CLEC4C: variants seen among roughly 807,000 people sequenced by gnomAD.
CLEC4C encodes the protein C-type (calcium dependent, carbohydrate-recognition domain) lectin, superfamily member 11.
CLEC4C carries 17 observed loss-of-function variants against 27.7 expected under a neutral mutation model. The ratio of observed to expected loss-of-function variants is 0.61; its 90% CI spans 0.42 to 0.92. The LOEUF (loss-of-function observed/expected upper bound fraction) is 0.92, where lower values mean the gene tolerates loss of function less well. CLEC4C is among the 40% of genes least tolerant of loss of function. The probability of loss-of-function intolerance (pLI) is 0.00; values close to 1 mark genes in which losing one functional copy is unlikely to be tolerated. For synonymous variants in CLEC4C, 80 were observed against 80.8 expected, an observed-to-expected ratio of 0.99 and a Z score of 0.06; for missense variants, 244 against 257.3, an observed-to-expected ratio of 0.95 and a Z score of 0.35.
intron 2 of CLEC4C, 46 bp from the exon 3 acceptor site, chr12:7,741,577 C>G (rs777629656): frequency 3.0e-6 from 3 of 1,008,716 alleles, no homozygotes; most frequent in Non-Finnish European, 3.2e-6. Context: ...TTAAGTGGAT[C>G]TATGTTGTAC....
At chr12:7,737,672 C>T in intron 3 of CLEC4C, 98 bp from the exon 4 acceptor site, 1 of 1,162,938 alleles carries the variant, frequency 8.6e-7, no homozygotes, top group South Asian at 1.6e-5. Context: ...TAGTTTTCAC[C>T]TATGGATCTC....
chr12:7,742,240 T>C (rs1465889739), intron 2 of CLEC4C, among the ~76,000 whole-genome samples: 1 of 151,506 alleles, frequency 6.6e-6, no homozygotes, highest in African/African-American at 2.4e-5. Context: ...CGGCTGGGCA[T>C]GGTGGCTCAC....
chr12:7,733,975 C>G (rs988780885), intron 4 of CLEC4C, among the ~76,000 whole-genome samples: 6 of 150,904 alleles, frequency 4.0e-5, no homozygotes, highest in African/African-American at 9.7e-5. Context: ...TCACTGCAAC[C>G]TCTACCTCCC....
rs1460284573 is a variant in CLEC4C, at chr12:7,729,521, T to A, written c.*75A>T. The A allele has an allele frequency of 1.4e-6, 2 of 1,429,198 alleles. No homozygotes were observed. The highest frequency in any genetic ancestry group is 1.9e-6 in the Non-Finnish European group (2 of 1,038,422). 88.5% of individuals were successfully genotyped at this position (1,429,198 alleles called of 1,614,324 possible). On this transcript the variant is annotated 3_prime_UTR_variant, in exon 6 of 6. Coordinates refer to ENST00000360345, the MANE Select transcript of CLEC4C (RefSeq NM_001371390.1). ...GCATTCCTTGTACAAAACTTACACA[T>A]AAATTAAAAAATCAATTTAGCTTTC...
chr12:7,739,771 C>T (rs930133932), intron 3 of CLEC4C, among the ~76,000 whole-genome samples: 5 of 152,136 alleles, frequency 3.3e-5, no homozygotes, highest in East Asian at 1.9e-4. Flanking sequence ...CCTCAACCTC[C>T]GGAGCTCAAC....
intron 4 of CLEC4C, among the ~76,000 whole-genome samples, chr12:7,731,838 C>T (rs146141862): frequency 6.6e-6 from 1 of 152,250 alleles, no homozygotes; most frequent in East Asian, 1.9e-4. Context: ...TCTGTAATCT[C>T]AACTACTCGA....
chr12:7,746,240 A>AT (rs1253317783), intron 2 of CLEC4C, 91 bp downstream of exon 2: 10 of 780,200 alleles, frequency 1.3e-5, no homozygotes, highest in African/African-American at 1.8e-5. Context: ...AAAAGAAAAA[A>AT]AAAGAAAGAG....
chr12:7,741,480 C>T lies in CLEC4C; in HGVS notation c.176G>A (p.Arg59Gln), dbSNP rs149796875. Reference protein sequence around the residue: ...SKTVKRLSKLREYQQYHPSLT... With the variant: ...SKTVKRLSKLQEYQQYHPSLT... ...GCTTGGATGATACTGTTGATACTCT[C>T]GTAACTTGGACAGCCTCTTGACAGT... Residue 59 changes from arginine (R) to glutamine (Q), a missense_variant, in exon 3 of 6, where the codon CGA (arginine) becomes CAA (glutamine). Transcript: ENST00000360345. 5.0e-6 allele frequency: 8 copies of T among 1,612,816 alleles called. No individual in the cohort carries two copies. In the African/African-American group the frequency reaches 5.3e-5, roughly 11 times the overall value.
intron 5 of CLEC4C, 78 bp from the exon 6 acceptor site, chr12:7,729,818 TA>T: frequency 7.4e-7 from 1 of 1,351,328 alleles, no homozygotes. Context: ...GGGCTAGGGT[TA>T]AACAGTGCGA....
At chr12:7,741,840 G>A (rs1864863325) in intron 2 of CLEC4C, among the ~76,000 whole-genome samples, 1 of 152,036 alleles carries the variant, frequency 6.6e-6, no homozygotes, top group African/African-American at 2.4e-5. Flanking sequence ...GACCAACATG[G>A]TGAAACCCCG....
intron 3 of CLEC4C, among the ~76,000 whole-genome samples, chr12:7,740,427 C>T (rs975574525): frequency 1.2e-4 from 18 of 152,044 alleles, no homozygotes; most frequent in African/African-American, 3.4e-4. Context: ...TGGCCAGGCA[C>T]GGTGGCTCAC....
At chr12:7,741,275 T>C in intron 3 of CLEC4C, 146 bp downstream of exon 3, 1 of 590,120 alleles carries the variant, frequency 1.7e-6, no homozygotes. Context: ...CTGAGGTGTC[T>C]ATTTAAGATA....
At chr12:7,738,999 C>G (rs1864792367) in intron 3 of CLEC4C, among the ~76,000 whole-genome samples, 1 of 148,622 alleles carries the variant, frequency 6.7e-6, no homozygotes, top group Non-Finnish European at 1.5e-5. Context: ...TGTGATGTTC[C>G]CCACCCTGTG....
intron 4 of CLEC4C, among the ~76,000 whole-genome samples, chr12:7,735,515 A>AAC (rs1555104710): frequency 6.7e-6 from 1 of 150,060 alleles, no homozygotes; most frequent in Non-Finnish European, 1.5e-5. Context: ...AGAAAAAAAA[A>AAC]AAAAAAAACG....
chr12:7,737,146 A>G (rs1224719887), intron 4 of CLEC4C, among the ~76,000 whole-genome samples: 1 of 150,826 alleles, frequency 6.6e-6, no homozygotes, highest in Non-Finnish European at 1.5e-5. Context: ...CAGGAGAATC[A>G]CTTGACCCCG....
intron 2 of CLEC4C, 147 bp from the exon 3 acceptor site, chr12:7,741,678 G>A (rs756232440): frequency 2.3e-4 from 129 of 555,360 alleles, no homozygotes; most frequent in African/African-American, 2.2e-3. Context: ...ATTTGAGGTC[G>A]GGAGTTAGAG....
chr12:7,738,885 C>T (rs1474766041), intron 3 of CLEC4C, among the ~76,000 whole-genome samples: 1 of 152,122 alleles, frequency 6.6e-6, no homozygotes, highest in Non-Finnish European at 1.5e-5. Flanking sequence ...CATATGTATA[C>T]ATGTGCCACT....
At chr12:7,740,986 G>C (rs970874321) in intron 3 of CLEC4C, among the ~76,000 whole-genome samples, 84 of 151,502 alleles carry the variant, frequency 5.5e-4, no homozygotes, top group African/African-American at 2.0e-3. Context: ...GACTACAGGC[G>C]CCTGCCACTG....
chr12:7,734,127 A>C (rs1456443431), intron 4 of CLEC4C, among the ~76,000 whole-genome samples: 1 of 152,176 alleles, frequency 6.6e-6, no homozygotes, highest in East Asian at 1.9e-4. Flanking sequence ...AATGTACATG[A>C]ACATATACGA....
Sources: gnomAD v4.1 joint callset for allele counts (sites outside exome capture counted in the v4.1 genomes callset) on GRCh38, gnomAD v4.1.1 for gene constraint, MANE v1.5 for transcripts, NCBI Gene and HGNC (gene_info 2026-07-23, HGNC 2026-07-21) for gene names.